The following SLAIN1 variants were observed in gnomAD, a reference collection of about 807,000 sequenced individuals.
The protein encoded by SLAIN1 is SLAIN family member 1.
A neutral mutation model predicts 55.4 loss-of-function variants in SLAIN1; 17 were observed. The ratio of observed to expected loss-of-function variants is 0.31; its 90% CI spans 0.21 to 0.46. SLAIN1 has a LOEUF of 0.46. SLAIN1 is among the 20% of genes least tolerant of loss of function. SLAIN1 has a pLI of 1.00. For missense variants in SLAIN1, 682 were observed against 785.1 expected, an observed-to-expected ratio of 0.87 and a Z score of 1.57; for synonymous variants, 348 against 337.4, an observed-to-expected ratio of 1.03 and a Z score of -0.35.
intron 6 of SLAIN1, among the ~76,000 whole-genome samples, chr13:77,761,596 T>C (rs1233007324): frequency 6.6e-6 from 1 of 152,208 alleles, no homozygotes; most frequent in Admixed American, 6.5e-5. Context: ...AATCAAAATA[T>C]GGAAAAATGT....
chr13:77,709,598 T>G (rs2091126209), intron 1 of SLAIN1, among the ~76,000 whole-genome samples: 1 of 152,196 alleles, frequency 6.6e-6, no homozygotes, highest in South Asian at 2.1e-4. Flanking sequence ...GGGGCCAATA[T>G]TCAACATTCT....
intron 2 of SLAIN1, among the ~76,000 whole-genome samples, chr13:77,736,790 GTCT>G (rs1313060326): frequency 6.7e-6 from 1 of 148,292 alleles, no homozygotes; most frequent in Non-Finnish European, 1.5e-5. Flanking sequence ...TTCTGCATTA[GTCT>G]TTTTTTTTTT....
At chr13:77,746,079 T>C (rs1472553730) in intron 3 of SLAIN1, among the ~76,000 whole-genome samples, 1 of 152,120 alleles carries the variant, frequency 6.6e-6, no homozygotes, top group Non-Finnish European at 1.5e-5. Flanking sequence ...TCCCTTTGAC[T>C]TTAAAAGTTG....
chr13:77,705,633 G>A (rs930038676), intron 1 of SLAIN1, among the ~76,000 whole-genome samples: 1 of 149,158 alleles, frequency 6.7e-6, no homozygotes, highest in Non-Finnish European at 1.5e-5. Context: ...AGCTATATAG[G>A]AGAAATACAG....
intron 2 of SLAIN1, among the ~76,000 whole-genome samples, chr13:77,723,333 C>T (rs1057014646): frequency 6.6e-6 from 1 of 152,138 alleles, no homozygotes; most frequent in Non-Finnish European, 1.5e-5. Flanking sequence ...TCTCTGGCCC[C>T]TCTTCAGTGC....
intron 1 of SLAIN1, among the ~76,000 whole-genome samples, chr13:77,705,229 A>G (rs1418901852): frequency 1.3e-5 from 2 of 151,746 alleles, no homozygotes; most frequent in Non-Finnish European, 3.0e-5. Flanking sequence ...CAGGGTTATC[A>G]TGGGCTTTAT....
At position 77,761,054 on chromosome 13, in the gene SLAIN1, G is replaced by A. The variant is rs749451630; in HGVS notation, c.1641G>A (p.Ser547=). The stretch of plus-strand genomic sequence containing the variant: ...GTCGCAGTGCACTCCCAAGACCTTC[G>A]TTGGCAATAAATGGGAGTAACCTGC... The part of the protein sequence containing the change: ...IMGRSALPRP[S]LAINGSNLPR... Residue 547 remains serine (S), a synonymous_variant, in exon 6 of 7, where the codon TCG becomes TCA. Coordinates refer to ENST00000418532, the MANE Select transcript of SLAIN1 (RefSeq NM_001242868.2). 1.8e-5 allele frequency: 29 copies of A among 1,614,052 alleles called. No individual in the cohort carries two copies. Among genetic ancestry groups the A allele is most frequent in the African/African-American group, 5.3e-5 (4 of 74,914 alleles).
In SLAIN1 at chr13:77,699,371, C is replaced by T. The variant is rs560792410; in HGVS notation, c.626+832C>T. 3.6e-5 allele frequency: 7 copies of T among 193,262 alleles called. No individual in the cohort carries two copies. In the South Asian group the frequency reaches 8.2e-4, roughly 23 times the overall value. 12.0% of individuals were successfully genotyped at this position (193,262 alleles called of 1,614,324 possible). A position where few individuals can be genotyped will look rare whatever the true frequency, so the allele number is the denominator to read the frequency against. On this transcript the variant is annotated intron_variant, in intron 1 of 6. Coordinates refer to ENST00000418532, the MANE Select transcript of SLAIN1 (RefSeq NM_001242868.2). ...CTTGGAAACTTTTTAGCTTGGTTAT[C>T]AGAAAACTTGAGGCTGACAGCATTT...
At chr13:77,701,286 C>T (rs554471872) in intron 1 of SLAIN1, among the ~76,000 whole-genome samples, 1 of 152,250 alleles carries the variant, frequency 6.6e-6, no homozygotes, top group East Asian at 1.9e-4. Flanking sequence ...AGATTAATCA[C>T]TGGATATTTT....
intron 2 of SLAIN1, among the ~76,000 whole-genome samples, chr13:77,736,936 A>G (rs1433484379): frequency 6.6e-6 from 1 of 150,500 alleles, no homozygotes; most frequent in Non-Finnish European, 1.5e-5. Context: ...TTCCTTGTGT[A>G]TTTTCTCCTT....
intron 1 of SLAIN1, among the ~76,000 whole-genome samples, chr13:77,702,579 T>C (rs2091041554): frequency 6.6e-6 from 1 of 152,144 alleles, no homozygotes; most frequent in Admixed American, 6.5e-5. Flanking sequence ...TATGACCTGT[T>C]TCAGCCCTCT....
intron 1 of SLAIN1, among the ~76,000 whole-genome samples, chr13:77,706,341 A>G (rs762801430): frequency 2.0e-5 from 3 of 152,010 alleles, no homozygotes; most frequent in Non-Finnish European, 4.4e-5. Flanking sequence ...TTAAACATGT[A>G]TTTTCTCTGA....
At chr13:77,702,959 G>A (rs2091045859) in intron 1 of SLAIN1, among the ~76,000 whole-genome samples, 1 of 152,082 alleles carries the variant, frequency 6.6e-6, no homozygotes, top group Non-Finnish European at 1.5e-5. Flanking sequence ...AAAGCAAAAC[G>A]GAGAAAGCAG....
intron 2 of SLAIN1, among the ~76,000 whole-genome samples, chr13:77,735,190 TTTTTTTCATATGAGAACACTGCAACA>T (rs1873060403): frequency 6.6e-6 from 1 of 152,124 alleles, no homozygotes; most frequent in South Asian, 2.1e-4. Context: ...CAAACATAAC[TTTTTTTCATATGAGAACACTGCAACA>T]TTTAAGATGT....
chr13:77,758,262 T>G (rs564282688), intron 5 of SLAIN1, among the ~76,000 whole-genome samples: 1 of 152,018 alleles, frequency 6.6e-6, no homozygotes, highest in Admixed American at 6.6e-5. Flanking sequence ...TTGCCCACTT[T>G]TTGATGGGAT....
At chr13:77,721,651 C>T (rs1312318509) in intron 2 of SLAIN1, among the ~76,000 whole-genome samples, 2 of 151,900 alleles carry the variant, frequency 1.3e-5, no homozygotes, top group African/African-American at 4.8e-5. Context: ...TACATAATCT[C>T]TGTCATGACT....
chr13:77,733,235 G>T (rs187204756), intron 2 of SLAIN1, among the ~76,000 whole-genome samples: 8 of 152,156 alleles, frequency 5.3e-5, no homozygotes, highest in African/African-American at 1.9e-4. Flanking sequence ...GTATACAACT[G>T]CTTTGTTACT....
At position 77,697,725 on chromosome 13, in the gene SLAIN1, T is replaced by G. The variant is rs1434256122; in HGVS notation, c.-189T>G. ...ACGCACTGAGCATGTGCAGATCAGC[T>G]CGGTGGTGGCTGCCGCGGCCGGAGG... is the stretch of plus-strand genomic sequence containing the variant. On this transcript the variant is annotated 5_prime_UTR_variant, in exon 1 of 7. Transcript: ENST00000418532. 9.0e-6 allele frequency: 3 copies of G among 332,392 alleles called. No homozygotes were observed. Among genetic ancestry groups the G allele is most frequent in the Non-Finnish European group, 1.5e-5 (3 of 206,678 alleles). The allele number at this position is 332,392 out of a possible 1,614,324, so 20.6% of individuals were successfully genotyped here.
chr13:77,754,849 G>A (rs912849999), intron 5 of SLAIN1, among the ~76,000 whole-genome samples: 1 of 152,144 alleles, frequency 6.6e-6, no homozygotes, highest in Non-Finnish European at 1.5e-5. Context: ...CCCAGTGCCT[G>A]ACGTATTGCC....
Sources: gnomAD v4.1 joint callset for allele counts (sites outside exome capture counted in the v4.1 genomes callset) on GRCh38, gnomAD v4.1.1 for gene constraint, MANE v1.5 for transcripts, NCBI Gene and HGNC (gene_info 2026-07-23, HGNC 2026-07-21) for gene names.